CRB1: variants seen among roughly 807,000 people sequenced by gnomAD.
CRB1 encodes crumbs cell polarity complex component 1, also known as protein crumbs homolog 1.
Under a neutral mutation model 120.0 loss-of-function variants are expected in CRB1, and 83 were observed. The observed-to-expected ratio is 0.69, with a 90% confidence interval of 0.58 to 0.83. The LOEUF (loss-of-function observed/expected upper bound fraction) is 0.83. CRB1 is among the 40% of genes least tolerant of loss of function. The probability of loss-of-function intolerance (pLI) is 0.00; values close to 1 mark genes in which losing one functional copy is unlikely to be tolerated. For synonymous variants in CRB1, 625 were observed against 612.5 expected, an observed-to-expected ratio of 1.02 and a Z score of -0.30; for missense variants, 1,699 against 1,687.6, an observed-to-expected ratio of 1.01 and a Z score of -0.12.
rs571066041 is a variant in CRB1, at chr1:197,416,471, G to C, written c.1172-4529G>C. On this transcript the variant is annotated intron_variant, in intron 5 of 11. Transcript: ENST00000367400. ...TCCATTATATTGTAAATACATTCAG[G>C]CTAGGTCTACGTCTTCTAGTTTGTA... Among the ~76,000 whole-genome samples, 4 of 152,082 alleles carry C rather than the reference G, an allele frequency of 2.6e-5. No individual in the cohort carries two copies. In the South Asian group the frequency reaches 6.2e-4, roughly 24 times the overall value.
chr1:197,411,128 G>T (rs1284650590), intron 5 of CRB1, among the ~76,000 whole-genome samples: 1 of 152,158 alleles, frequency 6.6e-6, no homozygotes, highest in East Asian at 1.9e-4. Context: ...CTAATGACAT[G>T]ATTTCAAGTA....
At chr1:197,414,138 G>A (rs1663852465) in intron 5 of CRB1, 1 of 256,478 alleles carries the variant, frequency 3.9e-6, no homozygotes, top group Non-Finnish European at 8.0e-6. Context: ...AAGGAAAAGT[G>A]GATATATTTA....
chr1:197,453,868 TTATTAATA>T (rs1558152356), intron 11 of CRB1, among the ~76,000 whole-genome samples: 9 of 138,488 alleles, frequency 6.5e-5, no homozygotes, highest in African/African-American at 2.1e-4. Context: ...TATATTAATA[TTATTAATA>T]ATATATATTA....
rs138312130 is a variant in CRB1 at position 197,329,172 on chromosome 1, T to C, written c.652+169T>C. On this transcript the variant is annotated intron_variant, in intron 2 of 11. Coordinates refer to ENST00000367400, the MANE Select transcript of CRB1 (RefSeq NM_201253.3). ...CCTAAACTGCTGAAAATCCACTGAA[T>C]GCACTGAATTCTAAGTGGTTGCCTG... Among the ~76,000 whole-genome samples, 244 of 152,356 alleles carry C rather than the reference T, an allele frequency of 1.6e-3. 1 individual carries two copies. The highest frequency in any genetic ancestry group is 5.5e-3 in the African/African-American group (229 of 41,592).
At chr1:197,392,986 G>A (rs929511625) in intron 5 of CRB1, among the ~76,000 whole-genome samples, 4 of 151,884 alleles carry the variant, frequency 2.6e-5, no homozygotes, top group Non-Finnish European at 5.9e-5. Context: ...ATGTTCCCAG[G>A]GGAATATATG....
At chr1:197,221,038 A>G in the CRB1 span, among the ~76,000 whole-genome samples, 1 of 152,202 alleles carries the variant, frequency 6.6e-6, no homozygotes, top group Non-Finnish European at 1.5e-5. Flanking sequence ...ATGTCTTCTA[A>G]CGGGCAGGCT....
At chr1:197,458,506 T>A (rs1320007571) in intron 11 of CRB1, among the ~76,000 whole-genome samples, 1 of 152,088 alleles carries the variant, frequency 6.6e-6, no homozygotes, top group Non-Finnish European at 1.5e-5. Context: ...TAAGCCACCT[T>A]CATCTGCAAT....
chr1:197,271,131 C>T (rs1331479697), intron 1 of CRB1, among the ~76,000 whole-genome samples: 1 of 151,890 alleles, frequency 6.6e-6, no homozygotes, highest in Admixed American at 6.6e-5. Flanking sequence ...ACTGGAAGGT[C>T]GAGACTGCTG....
intron 11 of CRB1, among the ~76,000 whole-genome samples, chr1:197,468,207 C>T (rs555743188): frequency 6.6e-6 from 1 of 152,220 alleles, no homozygotes; most frequent in Non-Finnish European, 1.5e-5. Context: ...TTAGCGATCC[C>T]ATGAGGCACC....
chr1:197,295,983 T>TTCTC lies in CRB1; in HGVS notation c.70+27502_70+27503insCTCT, dbSNP rs1553244647. 5.0e-4 allele frequency among the ~76,000 whole-genome samples: 76 copies of TTCTC among 151,236 alleles called. 1 individual carries two copies. In the South Asian group the frequency reaches 0.013, roughly 26 times the overall value. On this transcript the variant is annotated intron_variant, in intron 1 of 11. Coordinates refer to ENST00000367400, the MANE Select transcript of CRB1 (RefSeq NM_201253.3). Reference sequence around the variant, plus strand: ...AACTCTTCTAAGATTTAAAAAAAAATTTAAGACAAAGTAAGGCATAATCCT... The same window carrying TTCTC: ...AACTCTTCTAAGATTTAAAAAAAAATTCTCTTAAGACAAAGTAAGGCATAATCCT...
chr1:197,318,486 A>G (rs1490202490), intron 1 of CRB1, among the ~76,000 whole-genome samples: 2 of 152,222 alleles, frequency 1.3e-5, no homozygotes, highest in Non-Finnish European at 2.9e-5. Context: ...TGATCCAGCA[A>G]TCCCACTACT....
chr1:197,319,447 A>AG (rs1658057983), intron 1 of CRB1, among the ~76,000 whole-genome samples: 1 of 148,150 alleles, frequency 6.7e-6, no homozygotes, highest in Non-Finnish European at 1.5e-5. Context: ...AAAAAAAAAA[A>AG]AAAAAAAAAA....
chr1:197,213,274 G>A, the CRB1 span, among the ~76,000 whole-genome samples: 2 of 152,176 alleles, frequency 1.3e-5, no homozygotes. Flanking sequence ...CGTCTGTTCT[G>A]AATGCGCAGA....
intron 1 of CRB1, among the ~76,000 whole-genome samples, chr1:197,283,628 T>C (rs2125224273): frequency 6.6e-6 from 1 of 151,948 alleles, no homozygotes; most frequent in Middle Eastern, 3.4e-3. Flanking sequence ...TCTAGATGGA[T>C]AGATATATAT....
intron 11 of CRB1, 199 bp downstream of exon 11, chr1:197,442,491 C>T (rs949558961): frequency 2.7e-5 from 40 of 1,488,200 alleles, no homozygotes; most frequent in Non-Finnish European, 3.4e-5. Context: ...CATTTTAGAT[C>T]TCTGGGGAAG....
the CRB1 span, among the ~76,000 whole-genome samples, chr1:197,201,891 A>G: frequency 5.3e-5 from 8 of 152,186 alleles, no homozygotes; most frequent in East Asian, 1.9e-4. Context: ...AAATAGAAAA[A>G]TGTTTATATA....
chr1:197,439,827 C>T (rs1042711427), intron 10 of CRB1: 1 of 152,158 alleles, frequency 6.6e-6, no homozygotes, highest in Non-Finnish European at 1.5e-5. Context: ...TTGGAATTTT[C>T]TGTTTTCTAG....
At chr1:197,350,956 G>T (rs1027769512) in intron 4 of CRB1, among the ~76,000 whole-genome samples, 2 of 152,108 alleles carry the variant, frequency 1.3e-5, no homozygotes, top group African/African-American at 4.8e-5. Context: ...TCAAAATTAG[G>T]AAGTTGTGTA....
intron 1 of CRB1, among the ~76,000 whole-genome samples, chr1:197,280,137 G>A (rs765125833): frequency 4.0e-5 from 6 of 151,740 alleles, no homozygotes; most frequent in Non-Finnish European, 1.5e-5. Flanking sequence ...AAATACCAGC[G>A]TCACCATTCA....
Sources: allele counts gnomAD v4.1 joint callset (sites outside exome capture counted in the v4.1 genomes callset), GRCh38; gene constraint gnomAD v4.1.1; transcripts MANE v1.5; gene names NCBI Gene and HGNC (gene_info 2026-07-23, HGNC 2026-07-21).